The following MRGPRF variants were observed in gnomAD, a reference collection of about 807,000 sequenced individuals.
MRGPRF encodes mas-related G protein-coupled receptor member F.
In MRGPRF, 2 loss-of-function variants were observed where a neutral mutation model predicts 3.3. The observed-to-expected ratio is 0.61, with a 90% CI of 0.25 to 1.92. The LOEUF (loss-of-function observed/expected upper bound fraction) is 1.92, where lower values mean the gene tolerates loss of function less well. Ranked by LOEUF, MRGPRF falls within the 40% of genes most tolerant of loss-of-function variation. The pLI is 0.16. For missense variants in MRGPRF, 500 were observed against 476.0 expected (o/e 1.05, Z -0.47); for synonymous variants, 242 against 222.7 (o/e 1.09, Z -0.77).
Position 69,010,083 on chromosome 11 carries a change from C to T in MRGPRF, c.-56-126G>A, listed in dbSNP as rs192820432. ...CACCTTAGAGGAAAGGCAATCACCC[C>T]ACACCCTCAGCAGCAGGGGCATTGT... On this transcript the variant is annotated intron_variant, in intron 1 of 2. Transcript: ENST00000309099. 1,640 of 627,182 alleles carry T rather than the reference C, an allele frequency of 2.6e-3. 10 individuals carry two copies. The highest frequency in any genetic ancestry group is 2.7e-3 in the Non-Finnish European group (972 of 362,720). 38.9% of individuals were successfully genotyped at this position (627,182 alleles called of 1,614,324 possible).
Position 69,005,931 on chromosome 11 carries a change from A to G in MRGPRF, c.379T>C (p.Phe127Leu). The change falls in exon 3 of 3, where the codon TTC (phenylalanine) becomes CTC (leucine). Residue 127 changes from phenylalanine to leucine, a missense_variant. Coordinates refer to ENST00000309099, the MANE Select transcript of MRGPRF (RefSeq NM_145015.5). ...SVCRVLGLCMFLTGVSLLPAV... is the reference protein window; with the variant it reads ...SVCRVLGLCMLLTGVSLLPAV... The stretch of plus-strand genomic sequence containing the variant: ...GGCAGGAGGCTCACGCCGGTAAGGA[A>G]CATGCAGAGCCCCAGGACCCGGCAC... The G allele has an allele frequency of 6.3e-7, 1 of 1,576,298 alleles. No individual in the cohort carries two copies. Among genetic ancestry groups the G allele is most frequent in the South Asian group, 1.2e-5 (1 of 86,292 alleles).
chr11:69,005,864 GC>G lies in MRGPRF; in HGVS notation c.445del (p.Ala149ProfsTer107). 6.4e-7 allele frequency: 1 copy of G among 1,557,132 alleles called. No homozygotes were observed. The highest frequency in any genetic ancestry group is 8.7e-7 in the Non-Finnish European group (1 of 1,153,268). On this transcript the variant is annotated frameshift_variant, in exon 3 of 3. Transcript: ENST00000309099. LOFTEE classifies it low-confidence loss of function (END_TRUNC). ...AERCASVIFP[A>X]WYWRRRPKRL... ...CTTGGGCCGCCGGCGCCAGTACCAG[GC>G]GGGGAAGATGACCGAGGCGCAGCGC...
intron 2 of MRGPRF, 34 bp from the exon 3 acceptor site, chr11:69,006,295 C>T (rs1156964616): frequency 1.3e-6 from 2 of 1,558,544 alleles, no homozygotes; most frequent in Non-Finnish European, 1.7e-6. Flanking sequence ...CCTGTGATGC[C>T]GGCTGGCCCC....
intron 1 of MRGPRF, among the ~76,000 whole-genome samples, chr11:69,012,106 A>G (rs1481959294): frequency 1.3e-5 from 2 of 152,220 alleles, no homozygotes; most frequent in Non-Finnish European, 2.9e-5. Flanking sequence ...GTACATGTGT[A>G]TGTGTGTTCC....
intron 2 of MRGPRF, chr11:69,009,289 G>A (rs1416387296): frequency 9.1e-6 from 3 of 328,284 alleles, no homozygotes; most frequent in Non-Finnish European, 1.7e-5. Flanking sequence ...GAGAGCGAAG[G>A]AAATCCCAGA....
intron 1 of MRGPRF, among the ~76,000 whole-genome samples, chr11:69,011,814 C>CT (rs1381968323): frequency 1.3e-5 from 2 of 152,234 alleles, no homozygotes; most frequent in Non-Finnish European, 2.9e-5. Context: ...TCCATTCACC[C>CT]TGGCCAGGCT....
At chr11:69,010,207 A>T (rs1860567596) in intron 1 of MRGPRF, among the ~76,000 whole-genome samples, 1 of 152,244 alleles carries the variant, frequency 6.6e-6, no homozygotes, top group African/African-American at 2.4e-5. Context: ...CTGGAAAAGA[A>T]GCCCTCTCCT....
Position 69,005,168 on chromosome 11 carries a change from A to C in MRGPRF, c.*110T>G. On this transcript the variant is annotated 3_prime_UTR_variant, in exon 3 of 3. Transcript: ENST00000309099. Reference sequence around the variant, plus strand: ...GGAGAAGGAGGCCCGAGGAGAGGAAACAGATCTTTCTTCTCCTGTATGGAC... The same window carrying C: ...GGAGAAGGAGGCCCGAGGAGAGGAACCAGATCTTTCTTCTCCTGTATGGAC... The C allele has an allele frequency of 7.4e-7, 1 of 1,343,320 alleles. No individual in the cohort carries two copies. The highest frequency in any genetic ancestry group is 9.8e-7 in the Non-Finnish European group (1 of 1,019,444). 83.2% of individuals were successfully genotyped at this position (1,343,320 alleles called of 1,614,324 possible).
Position 69,006,277 on chromosome 11 carries a change from G to C in MRGPRF, c.49-16C>G. 3 of 1,587,320 alleles carry C rather than the reference G, an allele frequency of 1.9e-6. No individual in the cohort carries two copies. The highest frequency in any genetic ancestry group is 2.6e-6 in the Non-Finnish European group (3 of 1,167,768). ...CAGGGCACATCTGCGCAGGTGCAGA[G>C]AGGGACACCTGTGATGCCGGCTGGC... On this transcript the variant is annotated splice_polypyrimidine_tract_variant and intron_variant, in intron 2 of 2. Coordinates refer to ENST00000309099, the MANE Select transcript of MRGPRF (RefSeq NM_145015.5).
intron 2 of MRGPRF, 103 bp downstream of exon 2, chr11:69,009,751 G>A (rs777780280): frequency 5.0e-6 from 7 of 1,398,234 alleles, no homozygotes; most frequent in Non-Finnish European, 6.0e-6. Flanking sequence ...CTGGAAAGTG[G>A]GGCCAGGAAG....
chr11:69,007,620 G>A lies in MRGPRF; in HGVS notation c.49-1359C>T, dbSNP rs142718773. On this transcript the variant is annotated intron_variant, in intron 2 of 2. Transcript: ENST00000309099. ...GACTGAGCTGAGGTGAGGTATTGGC[G>A]GGCATTGTACTATTCTTGCAAAATC... Among the ~76,000 whole-genome samples the A allele has an allele frequency of 4.7e-3, 721 of 152,348 alleles. 6 individuals carry two copies. The highest frequency in any genetic ancestry group is 0.017 in the African/African-American group (695 of 41,590).
Position 69,005,952 on chromosome 11 carries a change from G to A in MRGPRF, c.358C>T (p.Arg120Trp), listed in dbSNP as rs749935945. The A allele has an allele frequency of 8.4e-5, 132 of 1,569,822 alleles. No homozygotes were observed. The highest frequency in any genetic ancestry group is 1.1e-4 in the Non-Finnish European group (130 of 1,157,876). Residue 120 changes from arginine (R) to tryptophan (W), a missense_variant, in exon 3 of 3, where the codon CGG (arginine) becomes TGG (tryptophan). Coordinates refer to ENST00000309099, the MANE Select transcript of MRGPRF (RefSeq NM_145015.5). ...TFADYIRSVC[R>W]VLGLCMFLTG... is the part of the protein sequence containing the mutation. Reference sequence around the variant, plus strand: ...AGGAACATGCAGAGCCCCAGGACCCGGCACACGCTGCGGATGTAGTCGGCA... The same window carrying A: ...AGGAACATGCAGAGCCCCAGGACCCAGCACACGCTGCGGATGTAGTCGGCA...
At position 69,009,894 on chromosome 11, in the gene MRGPRF, C is replaced by G. The variant is rs138724770; in HGVS notation, c.8G>C (p.Gly3Ala). ...GGGATGGGCCTCCCAGGAGCAGTTT[C>G]CAGCCATCTCCAGGCCTGGCGCGTC... MA[G>A]NCSWEAHPGN... The change falls in exon 2 of 3, where the codon GGA becomes GCA. Residue 3 changes from glycine to alanine, a missense_variant. Gly to Ala is a moderately conservative substitution (Grantham distance 60). Transcript: ENST00000309099. The G allele has an allele frequency of 1.0e-5, 16 of 1,606,932 alleles. No individual in the cohort carries two copies. In the African/African-American group the frequency reaches 1.9e-4, roughly 19 times the overall value.
At chr11:69,008,985 C>T (rs1860540407) in intron 2 of MRGPRF, among the ~76,000 whole-genome samples, 1 of 152,218 alleles carries the variant, frequency 6.6e-6, no homozygotes, top group Non-Finnish European at 1.5e-5. Context: ...CTCTGGAGCC[C>T]GGCCCCACCC....
In MRGPRF at chr11:69,009,937, C is replaced by G; in HGVS notation, c.-36G>C. 6.3e-7 allele frequency: 1 copy of G among 1,587,028 alleles called. No homozygotes were observed. The highest frequency in any genetic ancestry group is 8.5e-7 in the Non-Finnish European group (1 of 1,171,552). On this transcript the variant is annotated 5_prime_UTR_variant, in exon 2 of 3. Transcript: ENST00000309099. ...GGCGCGTCTGGGCCCCTGCTGGCAG[C>G]TCACCAGTCTGCACACCCACCTGGC...
intron 1 of MRGPRF, among the ~76,000 whole-genome samples, chr11:69,010,481 C>T (rs1294691742): frequency 6.6e-6 from 1 of 152,190 alleles, no homozygotes; most frequent in Non-Finnish European, 1.5e-5. Flanking sequence ...GCCTGGGAGG[C>T]AGGACAGCCC....
rs11819876 is a variant in MRGPRF, at chr11:69,005,293, C to T, written c.1017G>A (p.Pro339=). 47 of 1,511,064 alleles carry T rather than the reference C, an allele frequency of 3.1e-5. No homozygotes were observed. Among genetic ancestry groups the T allele is most frequent in the Non-Finnish European group, 4.0e-5 (45 of 1,133,652 alleles). The allele number at this position is 1,511,064 out of a possible 1,614,324, so 93.6% of individuals were successfully genotyped here. ...NTVTMEMQCP[P]GNAS is the part of the protein sequence containing the mutation. ...CGCTGGAGTCTCAGGAGGCGTTCCC[C>T]GGGGGACACTGCATCTCCATGGTGA... Residue 339 remains proline (P), a synonymous_variant, in exon 3 of 3, where the codon CCG becomes CCA. Transcript: ENST00000309099.
Position 69,006,068 on chromosome 11 carries a change from T to A in MRGPRF, c.242A>T (p.Tyr81Phe). 1.2e-6 allele frequency: 2 copies of A among 1,602,816 alleles called. No individual in the cohort carries two copies. The highest frequency in any genetic ancestry group is 1.7e-6 in the Non-Finnish European group (2 of 1,174,762). ...FSIKRNPFSI[Y>F]FLHLASADVG... is the part of the protein sequence containing the mutation. ...ATCGGCGCTGGCCAGGTGCAGGAAG[T>A]AGATGGAGAAGGGGTTCCTCTTGAT... The change falls in exon 3 of 3, where the codon TAC becomes TTC. Residue 81 changes from tyrosine (Y) to phenylalanine (F), a missense_variant. By Grantham distance (22) the Tyr-to-Phe change is conservative (BLOSUM62 3). Transcript: ENST00000309099.
chr11:69,009,165 C>T (rs1211538552), intron 2 of MRGPRF, among the ~76,000 whole-genome samples: 1 of 152,228 alleles, frequency 6.6e-6, no homozygotes, highest in African/African-American at 2.4e-5. Context: ...CTGGAGTTGC[C>T]ACTCTGCTCC....
Sources: gnomAD v4.1 joint callset for allele counts (sites outside exome capture counted in the v4.1 genomes callset) on GRCh38, gnomAD v4.1.1 for gene constraint, MANE v1.5 for transcripts, NCBI Gene and HGNC (gene_info 2026-07-23, HGNC 2026-07-21) for gene names.